The following PCNT variants were observed in gnomAD, a reference collection of about 807,000 sequenced individuals.
PCNT encodes the protein kendrin.
A neutral mutation model predicts 380.4 loss-of-function variants in PCNT; 319 were observed. The observed-to-expected ratio is 0.84, with a 90% confidence interval of 0.77 to 0.92. The LOEUF (loss-of-function observed/expected upper bound fraction) is 0.92, where lower values mean the gene tolerates loss of function less well. PCNT is among the 40% of genes least tolerant of loss of function. PCNT has a pLI of 0.00. For missense variants in PCNT, 4,400 were observed against 4,255.3 expected, an observed-to-expected ratio of 1.03 and a Z score of -0.95; for synonymous variants, 1,845 against 1,735.2, an observed-to-expected ratio of 1.06 and a Z score of -1.57.
intron 1 of PCNT, chr21:46,324,977 C>T (rs1601727336): frequency 2.4e-6 from 2 of 836,928 alleles, no homozygotes; most frequent in South Asian, 6.1e-5. Context: ...CCTGCCCGTC[C>T]GGGCCTGGCG....
In PCNT at chr21:46,416,096, C is replaced by T. The variant is rs2087016230; in HGVS notation, c.6178C>T (p.Gln2060Ter). Residue 2060 changes from glutamine (Q) to a stop codon, truncating the protein, a stop_gained, in exon 30 of 47, where the codon CAG (glutamine) becomes TAG (stop). Coordinates refer to ENST00000359568, the MANE Select transcript of PCNT (RefSeq NM_006031.6). LOFTEE classifies it high-confidence loss of function. ...KGKEKVLEDCQLPKVDLVAQV... is the reference protein window; with the variant it reads ...KGKEKVLEDC ...TAAAGAAAAAGTACTGGAAGATTGT[C>T]AGCTGCCGAAGGTCGATCTCGTAGC... The T allele has an allele frequency of 1.9e-6, 3 of 1,614,172 alleles. No individual in the cohort carries two copies. The South Asian group carries it at 3.3e-5, about 18-fold the overall frequency.
At chr21:46,342,091 A>G (rs1426335117) in intron 3 of PCNT, among the ~76,000 whole-genome samples, 2 of 151,748 alleles carry the variant, frequency 1.3e-5, no homozygotes, top group Non-Finnish European at 2.9e-5. Flanking sequence ...ATAGGCATGC[A>G]CCGCCATGCC....
At chr21:46,399,402 AGGTCTCCCTGTGCAGTCTTTGC>A (rs2086344850) in intron 24 of PCNT, among the ~76,000 whole-genome samples, 166 bp from the exon 25 acceptor site, 1 of 78,534 alleles carries the variant, frequency 1.3e-5, no homozygotes, top group African/African-American at 6.0e-5. Flanking sequence ...CTGTGGGTCT[AGGTCTCCCTGTGCAGTCTTTGC>A]GTCTGGGTCT....
chr21:46,362,916 C>T (rs1284996485), intron 13 of PCNT, among the ~76,000 whole-genome samples: 3 of 152,198 alleles, frequency 2.0e-5, no homozygotes, highest in African/African-American at 4.8e-5. Context: ...CTCCTTCATC[C>T]CCCTCTGCAC....
chr21:46,414,999 T>A (rs1602023097), intron 29 of PCNT, among the ~76,000 whole-genome samples: 1 of 152,242 alleles, frequency 6.6e-6, no homozygotes, highest in African/African-American at 2.4e-5. Context: ...GCAGGTGTTT[T>A]ATGGTCTCTA....
intron 35 of PCNT, among the ~76,000 whole-genome samples, chr21:46,429,184 G>A (rs575569448): frequency 2.6e-5 from 4 of 152,286 alleles, no homozygotes; most frequent in South Asian, 2.1e-4. Context: ...TTGTCCCGGC[G>A]CCCATGCCCT....
In PCNT at chr21:46,373,729, C is replaced by CTTT. The variant is rs57604484; in HGVS notation, c.3165+6608_3165+6610dup. Among the ~76,000 whole-genome samples, 54 of 63,112 alleles carry CTTT rather than the reference C, an allele frequency of 8.6e-4. 2 individuals carry two copies. The highest frequency in any genetic ancestry group is 1.8e-3 in the East Asian group (4 of 2,218). 41.4% of individuals were successfully genotyped at this position (63,112 alleles called of 152,430 possible). ...TGTGAGCCACCGCGCCCAGCCTTAG[C>CTTT]TTTTTTTTTTTTTTTTTTTTGGGCG... On this transcript the variant is annotated intron_variant, in intron 15 of 46. Transcript: ENST00000359568.
chr21:46,325,355 G>A (rs1391383679), intron 1 of PCNT: 4 of 287,736 alleles, frequency 1.4e-5, no homozygotes, highest in African/African-American at 2.3e-5. Context: ...AGCCTGCAGG[G>A]AGCTGCGAAC....
At chr21:46,355,184 C>T (rs1425846661) in intron 11 of PCNT, among the ~76,000 whole-genome samples, 1 of 152,184 alleles carries the variant, frequency 6.6e-6, no homozygotes, top group Non-Finnish European at 1.5e-5. Flanking sequence ...GGTCCAGGGC[C>T]CTGCCGCCCT....
chr21:46,343,337 C>T (rs1409144253), intron 3 of PCNT, among the ~76,000 whole-genome samples: 2 of 151,992 alleles, frequency 1.3e-5, no homozygotes, highest in African/African-American at 4.8e-5. Context: ...GGGTTTTAAT[C>T]GTAAAGGGAT....
intron 17 of PCNT, among the ~76,000 whole-genome samples, chr21:46,386,970 C>T (rs892368133): frequency 6.6e-6 from 1 of 151,926 alleles, no homozygotes; most frequent in African/African-American, 2.4e-5. Flanking sequence ...GCTGAGGCTT[C>T]TGGGTCCAGC....
At chr21:46,368,501 A>G in intron 15 of PCNT, among the ~76,000 whole-genome samples, 1 of 151,870 alleles carries the variant, frequency 6.6e-6, no homozygotes, top group East Asian at 1.9e-4. Context: ...AGTTTTTATC[A>G]TGAAGAAGAA....
chr21:46,432,360 A>G (rs1319677039), intron 38 of PCNT, 145 bp downstream of exon 38: 4 of 747,302 alleles, frequency 5.4e-6, no homozygotes, highest in Non-Finnish European at 9.1e-6. Flanking sequence ...CTGGCACCAC[A>G]CTGCTGTTAC....
At chr21:46,373,749 T>TTTTTTG (rs374962143) in intron 15 of PCNT, among the ~76,000 whole-genome samples, 1 of 81,194 alleles carries the variant, frequency 1.2e-5, no homozygotes, top group Non-Finnish European at 2.3e-5. Flanking sequence ...TTTTTTTTTT[T>TTTTTTG]GGGCGGAGTC....
At chr21:46,375,834 C>T (rs1569219296) in intron 15 of PCNT, among the ~76,000 whole-genome samples, 2 of 152,232 alleles carry the variant, frequency 1.3e-5, no homozygotes, top group South Asian at 2.1e-4. Context: ...TGCAGGTCTG[C>T]CGAAGGCCTG....
intron 27 of PCNT, among the ~76,000 whole-genome samples, chr21:46,403,759 G>A (rs1258345196): frequency 2.1e-5 from 3 of 143,282 alleles, no homozygotes; most frequent in African/African-American, 8.0e-5. Flanking sequence ...CACGCGGCGC[G>A]TGCTCGGTGA....
rs557740386 is a variant in PCNT at position 46,395,932 on chromosome 21, G to T, written c.4217-1333G>T. On this transcript the variant is annotated intron_variant, in intron 21 of 46. Coordinates refer to ENST00000359568, the MANE Select transcript of PCNT (RefSeq NM_006031.6). ...CAGAGACTCCATCTCAGAAATAATA[G>T]TAATAAAATAGAGACTTCAGGACTC... Among the ~76,000 whole-genome samples, 725 of 148,908 alleles carry T rather than the reference G, an allele frequency of 4.9e-3. 6 individuals carry two copies. The highest frequency in any genetic ancestry group is 0.011 in the Middle Eastern group (3 of 280).
Position 46,412,840 on chromosome 21 carries a change from G to A in PCNT, c.5998G>A (p.Asp2000Asn), listed in dbSNP as rs1407745283. 3.1e-6 allele frequency: 5 copies of A among 1,611,502 alleles called. No individual in the cohort carries two copies. Among genetic ancestry groups the A allele is most frequent in the South Asian group, 1.1e-5 (1 of 91,066 alleles). The change falls in exon 29 of 47, where the codon GAT (aspartate) becomes AAT (asparagine). Residue 2000 changes from aspartate (D) to asparagine (N), a missense_variant. By Grantham distance (23) the Asp-to-Asn change is conservative. Transcript: ENST00000359568. ...TTCCTCTGTCTCCTCTGTCAAGGGT[G>A]ATCTGCAGCCTGTCCTGGTGACGTT... Reference protein sequence around the residue: ...LEPVVPDPQGDLQPVLVTLKD... With the variant: ...LEPVVPDPQGNLQPVLVTLKD...
chr21:46,420,568 C>T (rs79458475), intron 31 of PCNT: 7,232 of 152,392 alleles, frequency 0.047, 224 homozygotes, highest in Non-Finnish European at 0.064. Flanking sequence ...TGTTGGGCTC[C>T]GAGGTGAAGC....
Sources: allele counts gnomAD v4.1 joint callset (sites outside exome capture counted in the v4.1 genomes callset), GRCh38; gene constraint gnomAD v4.1.1; transcripts MANE v1.5; gene names NCBI Gene and HGNC (gene_info 2026-07-23, HGNC 2026-07-21).